SCFD2: variants seen among roughly 807,000 people sequenced by gnomAD.
SCFD2 encodes sec1 family domain-containing protein 2.
Under a neutral mutation model 58.9 loss-of-function variants are expected in SCFD2, and 54 were observed. The observed-to-expected ratio is 0.92, with a 90% CI of 0.74 to 1.15. SCFD2 has a LOEUF of 1.15. Ranked by LOEUF, SCFD2 falls within the 50% of genes most tolerant of loss-of-function variation. The pLI, the probability that SCFD2 is intolerant of heterozygous loss-of-function variation, is 0.00. For missense variants in SCFD2, 805 were observed against 836.6 expected (o/e 0.96, Z 0.47); for synonymous variants, 321 against 335.9 (o/e 0.96, Z 0.49).
At chr4:53,139,642 G>C (rs1726064465) in intron 5 of SCFD2, among the ~76,000 whole-genome samples, 1 of 149,586 alleles carries the variant, frequency 6.7e-6, no homozygotes, top group Admixed American at 6.6e-5. Flanking sequence ...GGGCGCCTCT[G>C]CCCGGCCGCC....
chr4:53,290,784 T>C (rs1420628118), intron 3 of SCFD2, among the ~76,000 whole-genome samples: 1 of 152,030 alleles, frequency 6.6e-6, no homozygotes, highest in Non-Finnish European at 1.5e-5. Context: ...TACAGACACT[T>C]CAGAAACTGA....
rs185453993 is a variant in SCFD2 at position 53,301,629 on chromosome 4, C to G, written c.1135+12007G>C. ...GGCCAGCATCATCCTAATACCAAAG[C>G]CTGGCAGAGACACAACAAAAAAAGG... On this transcript the variant is annotated intron_variant, in intron 3 of 8. Transcript: ENST00000401642. Among the ~76,000 whole-genome samples the G allele has an allele frequency of 3.6e-4, 55 of 152,282 alleles. No individual in the cohort carries two copies. In the East Asian group the frequency reaches 9.2e-3, roughly 26 times the overall value.
rs536669044 is a variant in SCFD2, at chr4:52,875,578, T to C, written c.1963-1517A>G. On this transcript the variant is annotated intron_variant, in intron 8 of 8. Transcript: ENST00000401642. ...CCCACTCCCAAAATTGTCCCAGGTA[T>C]AATTAAATTAGTGAATTAACCAACC... is the stretch of plus-strand genomic sequence containing the variant. Among the ~76,000 whole-genome samples, 50 of 151,766 alleles carry C rather than the reference T, an allele frequency of 3.3e-4. No individual in the cohort carries two copies. The South Asian group carries it at 0.01, about 30-fold the overall frequency.
At chr4:53,289,527 A>G (rs1731772562) in intron 3 of SCFD2, among the ~76,000 whole-genome samples, 1 of 152,186 alleles carries the variant, frequency 6.6e-6, no homozygotes, top group Non-Finnish European at 1.5e-5. Context: ...AAAGAAAACT[A>G]CTAAATCACA....
chr4:53,141,376 C>T (rs557856919), intron 5 of SCFD2, among the ~76,000 whole-genome samples: 1 of 152,238 alleles, frequency 6.6e-6, no homozygotes, highest in East Asian at 1.9e-4. Flanking sequence ...CTGCAATCAT[C>T]TGAATTACTA....
At chr4:53,315,640 T>C (rs1318146341) in intron 2 of SCFD2, among the ~76,000 whole-genome samples, 1 of 152,188 alleles carries the variant, frequency 6.6e-6, no homozygotes, top group Non-Finnish European at 1.5e-5. Context: ...TGCAGGCAAT[T>C]GAAGAACCAT....
At chr4:52,992,585 C>T (rs532783971) in intron 5 of SCFD2, among the ~76,000 whole-genome samples, 19 of 151,638 alleles carry the variant, frequency 1.3e-4, no homozygotes, top group Non-Finnish European at 2.2e-4. Flanking sequence ...AAGTGAGGAG[C>T]GTCTCTGCCC....
rs538216927 is a variant in SCFD2 at position 53,325,238 on chromosome 4, A to G, written c.1008-11475T>C. 2.5e-3 allele frequency among the ~76,000 whole-genome samples: 385 copies of G among 152,058 alleles called. 2 individuals are homozygous for G. The highest frequency in any genetic ancestry group is 4.9e-3 in the Non-Finnish European group (332 of 67,954). On this transcript the variant is annotated intron_variant, in intron 2 of 8. Coordinates refer to ENST00000401642, the MANE Select transcript of SCFD2 (RefSeq NM_152540.4). ...ATTTGTGACAGTAAAAAAAAAAAAA[A>G]AGAGAAGACTCACTGCCTTTCTAGG... is the stretch of plus-strand genomic sequence containing the variant.
At chr4:53,092,327 C>T (rs912555237) in intron 5 of SCFD2, among the ~76,000 whole-genome samples, 1 of 152,062 alleles carries the variant, frequency 6.6e-6, no homozygotes, top group East Asian at 1.9e-4. Flanking sequence ...AGGAAATAAC[C>T]TCAAAATTGT....
intron 4 of SCFD2, among the ~76,000 whole-genome samples, chr4:53,269,745 G>C (rs1176588420): frequency 2.6e-5 from 4 of 152,148 alleles, no homozygotes; most frequent in African/African-American, 9.7e-5. Flanking sequence ...AAAAAATACA[G>C]GCCCGGTGCA....
chr4:53,255,371 G>GT (rs1730574207), intron 4 of SCFD2, among the ~76,000 whole-genome samples: 1 of 152,114 alleles, frequency 6.6e-6, no homozygotes, highest in African/African-American at 2.4e-5. Context: ...CTTCCGCAGT[G>GT]TTTGTGTCCC....
At chr4:53,113,501 G>A (rs1480269795) in intron 5 of SCFD2, among the ~76,000 whole-genome samples, 1 of 152,118 alleles carries the variant, frequency 6.6e-6, no homozygotes, top group African/African-American at 2.4e-5. Context: ...TTAAGCCACT[G>A]AAATGTTAAG....
At chr4:53,265,800 C>T (rs990574556) in intron 4 of SCFD2, among the ~76,000 whole-genome samples, 8 of 152,024 alleles carry the variant, frequency 5.3e-5, no homozygotes, top group East Asian at 3.9e-4. Context: ...AATGCAGTGA[C>T]GCAATTACGG....
At chr4:52,907,694 T>A in intron 6 of SCFD2, 103 bp from the exon 7 acceptor site, 1 of 1,003,270 alleles carries the variant, frequency 1.0e-6, no homozygotes, top group Non-Finnish European at 1.5e-6. Flanking sequence ...ATTTTGATAC[T>A]GAGCAATGCC....
intron 6 of SCFD2, among the ~76,000 whole-genome samples, chr4:52,908,079 A>G (rs1308415725): frequency 6.6e-6 from 1 of 152,190 alleles, no homozygotes; most frequent in Non-Finnish European, 1.5e-5. Flanking sequence ...CCTTCTACAG[A>G]GCTCAATTCC....
intron 6 of SCFD2, among the ~76,000 whole-genome samples, chr4:52,919,172 T>C (rs1488325108): frequency 2.6e-5 from 4 of 152,162 alleles, no homozygotes; most frequent in African/African-American, 7.2e-5. Flanking sequence ...AGCTAATACA[T>C]GTTTACGTGA....
intron 4 of SCFD2, among the ~76,000 whole-genome samples, chr4:53,211,319 G>A (rs1274884223): frequency 6.6e-6 from 1 of 151,536 alleles, no homozygotes; most frequent in African/African-American, 2.4e-5. Context: ...CCTGGAGGAT[G>A]CACACCCAGG....
At chr4:53,099,417 C>G (rs1173730274) in intron 5 of SCFD2, among the ~76,000 whole-genome samples, 3 of 152,184 alleles carry the variant, frequency 2.0e-5, no homozygotes, top group Non-Finnish European at 2.9e-5. Flanking sequence ...CTTTTGAGGG[C>G]ATCTTAGCCT....
At chr4:53,024,540 TC>T (rs939968185) in intron 5 of SCFD2, among the ~76,000 whole-genome samples, 25 of 152,302 alleles carry the variant, frequency 1.6e-4, no homozygotes, top group African/African-American at 5.1e-4. Flanking sequence ...ATTGGTTCTT[TC>T]TAGATATTTG....
Sources: gnomAD v4.1 joint callset for allele counts (sites outside exome capture counted in the v4.1 genomes callset) on GRCh38, gnomAD v4.1.1 for gene constraint, MANE v1.5 for transcripts, NCBI Gene and HGNC (gene_info 2026-07-23, HGNC 2026-07-21) for gene names.